The following MARCHF1 variants were observed in gnomAD, a reference collection of about 807,000 sequenced individuals.
The protein encoded by MARCHF1 is membrane associated ring-CH-type finger 1.
In MARCHF1, 40 loss-of-function variants were observed where a neutral mutation model predicts 54.2. The observed-to-expected ratio is 0.74, with a 90% CI of 0.57 to 0.96. The LOEUF is 0.96. Among genes scored for constraint, MARCHF1 ranks in the 40% least tolerant of loss-of-function variants. MARCHF1 has a pLI of 0.00. For synonymous variants in MARCHF1, 236 were observed against 236.3 expected (o/e 1.00, Z 0.01); for missense variants, 586 against 656.5 (o/e 0.89, Z 1.17).
intron 4 of MARCHF1, among the ~76,000 whole-genome samples, chr4:163,770,005 A>G (rs1438568015): frequency 6.6e-6 from 1 of 152,136 alleles, no homozygotes; most frequent in Non-Finnish European, 1.5e-5. Context: ...GACCTTTATG[A>G]TGATTCACTT....
intron 1 of MARCHF1, among the ~76,000 whole-genome samples, chr4:164,139,444 C>A (rs537189874): frequency 2.0e-5 from 3 of 149,358 alleles, no homozygotes; most frequent in African/African-American, 7.4e-5. Flanking sequence ...AACAAACAAA[C>A]AAAACCATCA....
chr4:163,685,582 G>A (rs1744242989), intron 5 of MARCHF1, among the ~76,000 whole-genome samples: 1 of 152,082 alleles, frequency 6.6e-6, no homozygotes, highest in African/African-American at 2.4e-5. Context: ...AGCCTCCCAA[G>A]CAGCTGGGAT....
intron 1 of MARCHF1, among the ~76,000 whole-genome samples, chr4:164,145,296 G>C (rs1430629968): frequency 6.6e-6 from 1 of 152,104 alleles, no homozygotes; most frequent in Non-Finnish European, 1.5e-5. Context: ...AATAGAAAAA[G>C]AGGGAATCCT....
At chr4:164,307,524 C>G (rs367969087) in intron 1 of MARCHF1, among the ~76,000 whole-genome samples, 20 of 152,324 alleles carry the variant, frequency 1.3e-4, no homozygotes, top group Admixed American at 3.9e-4. Flanking sequence ...CTTGTGCTAT[C>G]TCAGCTTACC....
intron 2 of MARCHF1, among the ~76,000 whole-genome samples, chr4:164,097,014 T>C (rs540018903): frequency 6.6e-6 from 1 of 152,294 alleles, no homozygotes; most frequent in South Asian, 2.1e-4. Context: ...ATGTTCATTT[T>C]ACTCTTCATA....
intron 5 of MARCHF1, among the ~76,000 whole-genome samples, chr4:163,661,985 A>G (rs961299957): frequency 6.6e-6 from 1 of 152,242 alleles, no homozygotes; most frequent in Non-Finnish European, 1.5e-5. Flanking sequence ...AAAAATGTGA[A>G]GTAATTGCTC....
chr4:163,689,103 G>A (rs1744361209), intron 5 of MARCHF1, among the ~76,000 whole-genome samples: 1 of 152,052 alleles, frequency 6.6e-6, no homozygotes, highest in Admixed American at 6.6e-5. Context: ...TTGCTGGCCT[G>A]GAAAAACAAC....
intron 3 of MARCHF1, among the ~76,000 whole-genome samples, chr4:163,959,343 CAACAAAA>C (rs1752295739): frequency 1.3e-5 from 2 of 148,848 alleles, no homozygotes; most frequent in Non-Finnish European, 3.0e-5. Flanking sequence ...AAAAAAAAAA[CAACAAAA>C]AAACAAAAAA....
intron 3 of MARCHF1, among the ~76,000 whole-genome samples, chr4:163,918,028 T>C (rs1751347660): frequency 6.6e-6 from 1 of 152,150 alleles, no homozygotes; most frequent in African/African-American, 2.4e-5. Context: ...TAGTTTTGGG[T>C]TTTACAATTA....
intron 8 of MARCHF1, among the ~76,000 whole-genome samples, chr4:163,558,151 G>T (rs11944601): frequency 6.6e-6 from 1 of 152,166 alleles, no homozygotes; most frequent in Non-Finnish European, 1.5e-5. Flanking sequence ...GGTGAGGGGG[G>T]AAGAGTGGGC....
intron 4 of MARCHF1, among the ~76,000 whole-genome samples, chr4:163,743,459 G>T (rs910337023): frequency 6.6e-6 from 1 of 151,980 alleles, no homozygotes; most frequent in African/African-American, 2.4e-5. Context: ...TTTTACCACC[G>T]TACCTGATTA....
At chr4:164,360,838 T>A (rs1197256591) in intron 1 of MARCHF1, among the ~76,000 whole-genome samples, 1 of 152,062 alleles carries the variant, frequency 6.6e-6, no homozygotes, top group African/African-American at 2.4e-5. Flanking sequence ...AAAGAAATAA[T>A]TAGTGGAGAA....
rs144366223 is a variant in MARCHF1, at chr4:163,852,831, T to C, written c.111+1190A>G. Among the ~76,000 whole-genome samples, 13 of 152,298 alleles carry C rather than the reference T, an allele frequency of 8.5e-5. No homozygotes were observed. The East Asian group carries it at 2.5e-3, about 29-fold the overall frequency. ...AATATTTGTATCCTCCCAAAATTCA[T>C]GTCAAAATCCTAACCCCCAAGGTGA... On this transcript the variant is annotated intron_variant, in intron 4 of 9. Transcript: ENST00000514618.
At chr4:164,124,212 A>T (rs1489513498) in intron 1 of MARCHF1, among the ~76,000 whole-genome samples, 1 of 152,142 alleles carries the variant, frequency 6.6e-6, no homozygotes, top group Non-Finnish European at 1.5e-5. Context: ...ATATAATTTA[A>T]TTACAATGAA....
At chr4:164,013,665 G>T (rs1055924686) in intron 2 of MARCHF1, among the ~76,000 whole-genome samples, 47 of 152,126 alleles carry the variant, frequency 3.1e-4, no homozygotes, top group African/African-American at 1.1e-3. Context: ...AACATATAAA[G>T]GAGTTCTGAT....
At chr4:163,764,143 A>G (rs1277216390) in intron 4 of MARCHF1, among the ~76,000 whole-genome samples, 2 of 152,046 alleles carry the variant, frequency 1.3e-5, no homozygotes, top group African/African-American at 4.8e-5. Context: ...TTGAGGGTTT[A>G]GTAGGCCCAG....
intron 1 of MARCHF1, among the ~76,000 whole-genome samples, chr4:164,317,985 C>T (rs917846929): frequency 6.6e-6 from 1 of 152,124 alleles, no homozygotes; most frequent in Admixed American, 6.6e-5. Context: ...ATTTGGTAAC[C>T]AGTGCAGACT....
At position 163,997,651 on chromosome 4, in the gene MARCHF1, G is replaced by T. The variant is rs1482914686; in HGVS notation, c.-247-8942C>A. Among the ~76,000 whole-genome samples, 7 of 151,956 alleles carry T rather than the reference G, an allele frequency of 4.6e-5. No individual in the cohort carries two copies. In the South Asian group the frequency reaches 1.0e-3, roughly 23 times the overall value. On this transcript the variant is annotated intron_variant, in intron 2 of 9. Transcript: ENST00000514618. ...CATAGGTTGTTTCTTGTAAAGAAAT[G>T]GTTCCTTATATAGAGAAACCTTGTA...
intron 4 of MARCHF1, among the ~76,000 whole-genome samples, chr4:163,763,815 C>A (rs1018838816): frequency 9.9e-5 from 15 of 151,976 alleles, no homozygotes; most frequent in African/African-American, 3.6e-4. Context: ...AAATGTCACT[C>A]ATTCTATTCT....
Sources: allele counts gnomAD v4.1 joint callset (sites outside exome capture counted in the v4.1 genomes callset), GRCh38; gene constraint gnomAD v4.1.1; transcripts MANE v1.5; gene names NCBI Gene and HGNC (gene_info 2026-07-23, HGNC 2026-07-21).